Variants in GLIS3 observed in about 807,000 individuals in gnomAD.
GLIS3 encodes GLIS family zinc finger 3.
In GLIS3, 53 loss-of-function variants were observed where a neutral mutation model predicts 78.6. The observed-to-expected ratio is 0.67, with a 90% CI of 0.54 to 0.85. The LOEUF is 0.85. GLIS3 is among the 40% of genes least tolerant of loss of function. GLIS3 has a pLI of 0.00. For missense variants in GLIS3, 1,703 were observed against 1,231.1 expected, an observed-to-expected ratio of 1.38 and a Z score of -5.74; for synonymous variants, 684 against 509.9, an observed-to-expected ratio of 1.34 and a Z score of -4.60.
At chr9:3,960,451 G>A (rs1041726697) in intron 4 of GLIS3, among the ~76,000 whole-genome samples, 2 of 152,132 alleles carry the variant, frequency 1.3e-5, no homozygotes, top group Non-Finnish European at 2.9e-5. Flanking sequence ...GCCACCATCT[G>A]GAATTGTCTG....
At chr9:4,408,167 G>T in the GLIS3 span, among the ~76,000 whole-genome samples, 1 of 152,098 alleles carries the variant, frequency 6.6e-6, no homozygotes, top group Non-Finnish European at 1.5e-5. Context: ...CTGTCAGTGG[G>T]AATGTAAATT....
intron 4 of GLIS3, among the ~76,000 whole-genome samples, chr9:4,068,875 T>C (rs924038775): frequency 1.3e-5 from 2 of 151,928 alleles, no homozygotes; most frequent in Non-Finnish European, 2.9e-5. Flanking sequence ...GTCTATTCAA[T>C]TTCTTGCAAT....
chr9:4,171,590 T>C (rs1035006730), intron 2 of GLIS3, among the ~76,000 whole-genome samples: 1 of 152,202 alleles, frequency 6.6e-6, no homozygotes, highest in Non-Finnish European at 1.5e-5. Flanking sequence ...TCTTTAGCTA[T>C]CTGAGGGGAG....
chr9:4,069,409 T>G (rs1219032779), intron 4 of GLIS3, among the ~76,000 whole-genome samples: 1 of 152,160 alleles, frequency 6.6e-6, no homozygotes, highest in Non-Finnish European at 1.5e-5. Flanking sequence ...AGAGCAAGAT[T>G]GGAGATAAGA....
chr9:4,218,754 C>G (rs1312211908), intron 2 of GLIS3, among the ~76,000 whole-genome samples: 1 of 152,124 alleles, frequency 6.6e-6, no homozygotes, highest in Non-Finnish European at 1.5e-5. Flanking sequence ...CTAATGGCTA[C>G]CATATTGGAC....
chr9:4,009,724 C>A (rs545149082), intron 4 of GLIS3, among the ~76,000 whole-genome samples: 1 of 152,196 alleles, frequency 6.6e-6, no homozygotes, highest in African/African-American at 2.4e-5. Flanking sequence ...ACCACCAGAG[C>A]GGTGGGCTGA....
chr9:3,896,323 G>C (rs1822827693), intron 7 of GLIS3, among the ~76,000 whole-genome samples: 1 of 152,054 alleles, frequency 6.6e-6, no homozygotes, highest in African/African-American at 2.4e-5. Flanking sequence ...TTTTTTAAAA[G>C]GAAGAAAGTT....
rs1588284380 is a variant in GLIS3, at chr9:3,944,759, G to T, written c.1711-7570C>A. On this transcript the variant is annotated intron_variant, in intron 4 of 10. Transcript: ENST00000381971. ...ACATACCTGTCTCAGTCCATTTTCT[G>T]TTGGTAGAACTGAATACCACAGACT... Among the ~76,000 whole-genome samples the T allele has an allele frequency of 3.9e-5, 6 of 152,332 alleles. No homozygotes were observed. In the South Asian group the frequency reaches 1.2e-3, roughly 32 times the overall value.
At chr9:4,164,414 A>C (rs78747817) in intron 2 of GLIS3, among the ~76,000 whole-genome samples, 2,144 of 152,286 alleles carry the variant, frequency 0.014, 48 homozygotes, top group African/African-American at 0.049. Context: ...TGTTGTTGTG[A>C]TAAAGAGGAA....
the GLIS3 span, among the ~76,000 whole-genome samples, chr9:4,374,510 C>T: frequency 1.3e-5 from 2 of 152,248 alleles, no homozygotes; most frequent in Non-Finnish European, 2.9e-5. Context: ...AGCCTGAAGC[C>T]CTTAAGATGC....
intron 4 of GLIS3, among the ~76,000 whole-genome samples, chr9:4,112,079 G>C (rs1051283343): frequency 3.9e-5 from 6 of 152,122 alleles, no homozygotes; most frequent in Non-Finnish European, 7.4e-5. Context: ...TTAAAAATGG[G>C]AACAGGGTGA....
intron 2 of GLIS3, among the ~76,000 whole-genome samples, chr9:4,274,067 G>T (rs1826767927): frequency 6.6e-6 from 1 of 152,132 alleles, no homozygotes; most frequent in Admixed American, 6.5e-5. Flanking sequence ...TGTGAATGAG[G>T]ATAATACATT....
chr9:3,957,569 A>C (rs1817218302), intron 4 of GLIS3, among the ~76,000 whole-genome samples: 1 of 152,232 alleles, frequency 6.6e-6, no homozygotes, highest in African/African-American at 2.4e-5. Flanking sequence ...ATAGAAAATT[A>C]GATCCTCAGC....
In GLIS3 at chr9:3,828,228, G is replaced by A. The variant is rs1031028742; in HGVS notation, c.*44C>T. ...AGAGTACGAAAACAAAAGGTGGCAA[G>A]CAACATCAAGGTCCTGGGTGTGCAG... On this transcript the variant is annotated 3_prime_UTR_variant, in exon 11 of 11. Transcript: ENST00000381971. 6.2e-7 allele frequency: 1 copy of A among 1,612,672 alleles called. No homozygotes were observed. Among genetic ancestry groups the A allele is most frequent in the Non-Finnish European group, 8.5e-7 (1 of 1,179,250 alleles).
rs758753292 is a variant in GLIS3, at chr9:3,937,058, G to C, written c.1842C>G (p.Arg614=). ...CQKAFSNSSD[R]AKHQRTHLDT... ...CCAGATGCGTCCGCTGGTGTTTGGC[G>C]CGGTCACTGGAGTTACTGAAGGCCT... is the stretch of plus-strand genomic sequence containing the variant. Residue 614 remains arginine (R), a synonymous_variant, in exon 5 of 11, where the codon CGC becomes CGG. Transcript: ENST00000381971. 6.2e-7 allele frequency: 1 copy of C among 1,613,330 alleles called. No individual in the cohort carries two copies. The highest frequency in any genetic ancestry group is 1.7e-5 in the Admixed American group (1 of 60,018).
At chr9:4,152,091 T>C (rs1834730190) in intron 2 of GLIS3, 2 of 972,978 alleles carry the variant, frequency 2.1e-6, no homozygotes, top group African/African-American at 1.8e-5. Context: ...AGTAACACAA[T>C]ATTTTTCTAC....
the GLIS3 span, among the ~76,000 whole-genome samples, chr9:4,375,976 G>C: frequency 6.6e-6 from 1 of 152,188 alleles, no homozygotes; most frequent in Non-Finnish European, 1.5e-5. Flanking sequence ...TTGTTCATCT[G>C]TAAAAGAAAG....
intron 2 of GLIS3, among the ~76,000 whole-genome samples, chr9:4,246,656 G>C (rs1469710169): frequency 6.6e-6 from 1 of 152,152 alleles, no homozygotes; most frequent in African/African-American, 2.4e-5. Flanking sequence ...ACTCAAGGCA[G>C]CTACCTGATA....
intron 2 of GLIS3, among the ~76,000 whole-genome samples, chr9:4,252,718 T>C (rs966177089): frequency 7.9e-5 from 12 of 152,230 alleles, no homozygotes; most frequent in African/African-American, 2.9e-4. Context: ...TCAGCCTTTT[T>C]GTGCTGGATT....
Sources: gnomAD v4.1 joint callset for allele counts (sites outside exome capture counted in the v4.1 genomes callset) on GRCh38, gnomAD v4.1.1 for gene constraint, MANE v1.5 for transcripts, NCBI Gene and HGNC (gene_info 2026-07-23, HGNC 2026-07-21) for gene names.